NRG3: variants seen among roughly 807,000 people sequenced by gnomAD.
The protein encoded by NRG3 is neuregulin 3, also known as pro-neuregulin-3, membrane-bound isoform.
Under a neutral mutation model 66.9 loss-of-function variants are expected in NRG3, and 31 were observed. The ratio of observed to expected loss-of-function variants is 0.46; its 90% confidence interval spans 0.35 to 0.63. The LOEUF is 0.63. NRG3 is among the 20% of genes least tolerant of loss of function. NRG3 has a pLI of 0.00. For missense variants in NRG3, 910 were observed against 878.9 expected, an observed-to-expected ratio of 1.04 and a Z score of -0.45; for synonymous variants, 393 against 359.4, an observed-to-expected ratio of 1.09 and a Z score of -1.06.
intron 2 of NRG3, among the ~76,000 whole-genome samples, chr10:82,428,473 G>A (rs2089592250): frequency 6.6e-6 from 1 of 151,504 alleles, no homozygotes; most frequent in African/African-American, 2.4e-5. Flanking sequence ...TGTGGGTTTT[G>A]TTTGTTGTTT....
intron 1 of NRG3, among the ~76,000 whole-genome samples, chr10:82,324,293 ATTTGTGTCT>A (rs1246608052): frequency 7.9e-5 from 12 of 152,042 alleles, no homozygotes; most frequent in Non-Finnish European, 1.8e-4. Flanking sequence ...GTTATCGATA[ATTTGTGTCT>A]ACTTTTTTCC....
intron 1 of NRG3, among the ~76,000 whole-genome samples, chr10:81,911,963 A>G (rs1480001743): frequency 2.6e-5 from 4 of 152,132 alleles, no homozygotes; most frequent in Non-Finnish European, 5.9e-5. Context: ...TATGAGAGTA[A>G]TAAATGTTAA....
At chr10:82,771,552 A>G (rs970572530) in intron 3 of NRG3, among the ~76,000 whole-genome samples, 1 of 152,128 alleles carries the variant, frequency 6.6e-6, no homozygotes, top group African/African-American at 2.4e-5. Flanking sequence ...TTCTTATTCC[A>G]TGTAAGTTTG....
chr10:81,877,954 T>G, intron 1 of NRG3: 1 of 1,537,652 alleles, frequency 6.5e-7, no homozygotes, highest in Non-Finnish European at 8.7e-7. Flanking sequence ...ATGCAGTTGA[T>G]AGAATAATGG....
chr10:82,020,995 G>A (rs1222122049), intron 1 of NRG3, among the ~76,000 whole-genome samples: 1 of 152,012 alleles, frequency 6.6e-6, no homozygotes, highest in Non-Finnish European at 1.5e-5. Context: ...AGAAATTCCG[G>A]TGGAATTTCT....
At chr10:82,682,378 ATAGG>A (rs1164672855) in intron 2 of NRG3, among the ~76,000 whole-genome samples, 2 of 149,634 alleles carry the variant, frequency 1.3e-5, no homozygotes, top group African/African-American at 4.9e-5. Flanking sequence ...TAGATAGATG[ATAGG>A]TAGATAGTAG....
chr10:82,418,589 G>C (rs1031713164), intron 2 of NRG3, among the ~76,000 whole-genome samples: 30 of 152,028 alleles, frequency 2.0e-4, no homozygotes, highest in Non-Finnish European at 2.2e-4. Flanking sequence ...AAACCCTCCA[G>C]TGTAAAGACT....
Position 81,908,290 on chromosome 10 carries a change from A to G in NRG3, c.823+32127A>G, listed in dbSNP as rs146976614. On this transcript the variant is annotated intron_variant, in intron 1 of 8. Transcript: ENST00000372141. Reference sequence around the variant, plus strand: ...TGATATCATAGTGAATATTTAGGCAATTTTATCCCTGGGCCTAGTCCACAC... The same window carrying G: ...TGATATCATAGTGAATATTTAGGCAGTTTTATCCCTGGGCCTAGTCCACAC... Among the ~76,000 whole-genome samples the G allele has an allele frequency of 6.4e-3, 975 of 152,254 alleles. 17 individuals carry two copies. The highest frequency in any genetic ancestry group is 0.022 in the African/African-American group (900 of 41,558).
intron 1 of NRG3, among the ~76,000 whole-genome samples, chr10:81,883,657 T>G (rs1842375084): frequency 6.6e-6 from 1 of 152,162 alleles, no homozygotes; most frequent in African/African-American, 2.4e-5. Flanking sequence ...GGAATAGAAT[T>G]TTTATGCTAA....
chr10:82,742,910 C>G (rs1299594055), intron 3 of NRG3, among the ~76,000 whole-genome samples: 1 of 152,106 alleles, frequency 6.6e-6, no homozygotes. Context: ...TCTCCATCTC[C>G]CCTCTCATGA....
intron 2 of NRG3, among the ~76,000 whole-genome samples, chr10:82,562,830 G>T (rs1243233543): frequency 1.3e-5 from 2 of 151,812 alleles, no homozygotes; most frequent in Non-Finnish European, 2.9e-5. Context: ...AGAGTGGGTG[G>T]GGAGGGGACA....
chr10:81,947,700 T>G (rs546452544), intron 1 of NRG3, among the ~76,000 whole-genome samples: 4 of 152,170 alleles, frequency 2.6e-5, no homozygotes, highest in Non-Finnish European at 4.4e-5. Context: ...ACATAATAGA[T>G]TTCCACCTTT....
intron 3 of NRG3, among the ~76,000 whole-genome samples, chr10:82,836,128 G>T (rs550887807): frequency 3.3e-5 from 5 of 152,258 alleles, no homozygotes; most frequent in South Asian, 2.1e-4. Flanking sequence ...ATAAAAAGTT[G>T]TATTAGAATA....
chr10:82,564,846 T>C (rs113020250), intron 2 of NRG3, among the ~76,000 whole-genome samples: 47 of 152,278 alleles, frequency 3.1e-4, no homozygotes, highest in African/African-American at 8.9e-4. Flanking sequence ...AGGAATACTC[T>C]TTGTAATATA....
chr10:82,269,851 C>T (rs1421939058), intron 1 of NRG3, among the ~76,000 whole-genome samples: 1 of 152,074 alleles, frequency 6.6e-6, no homozygotes, highest in Non-Finnish European at 1.5e-5. Context: ...CCAAGGACCA[C>T]ACTTTGAAAG....
At chr10:82,689,901 G>A (rs1398487483) in intron 2 of NRG3, among the ~76,000 whole-genome samples, 1 of 152,112 alleles carries the variant, frequency 6.6e-6, no homozygotes, top group Non-Finnish European at 1.5e-5. Context: ...CTTGCTTGGG[G>A]AAATCTTTCC....
chr10:82,609,000 CT>C (rs2048137964), intron 2 of NRG3, among the ~76,000 whole-genome samples: 1 of 152,098 alleles, frequency 6.6e-6, no homozygotes. Context: ...TGATAGCCCT[CT>C]TGATTTTAAT....
intron 1 of NRG3, among the ~76,000 whole-genome samples, chr10:82,292,311 A>C (rs1319334231): frequency 6.6e-6 from 1 of 152,138 alleles, no homozygotes; most frequent in African/African-American, 2.4e-5. Flanking sequence ...AAAAAAAAGA[A>C]AAAAGGAAGT....
intron 2 of NRG3, among the ~76,000 whole-genome samples, chr10:82,496,130 A>T (rs1353347589): frequency 6.6e-6 from 1 of 152,186 alleles, no homozygotes; most frequent in Non-Finnish European, 1.5e-5. Context: ...ATATATTCAG[A>T]ATTACTCTGA....
Sources: gnomAD v4.1 joint callset for allele counts (sites outside exome capture counted in the v4.1 genomes callset) on GRCh38, gnomAD v4.1.1 for gene constraint, MANE v1.5 for transcripts, NCBI Gene and HGNC (gene_info 2026-07-23, HGNC 2026-07-21) for gene names.